The following RANBP2 variants were observed in gnomAD, a reference collection of about 807,000 sequenced individuals.
RANBP2 encodes the protein E3 SUMO-protein ligase RanBP2.
RANBP2 carries 57 observed loss-of-function variants against 303.6 expected under a neutral mutation model. That is an observed-to-expected ratio of 0.19 (90% CI 0.15 to 0.23). The LOEUF (loss-of-function observed/expected upper bound fraction) is 0.23. Among genes scored for constraint, RANBP2 ranks in the 10% least tolerant of loss-of-function variants. The pLI, the probability that RANBP2 is intolerant of heterozygous loss-of-function variation, is 1.00. For synonymous variants in RANBP2, 1,167 were observed against 1,301.5 expected (o/e 0.90, Z 2.23); for missense variants, 3,138 against 3,780.8 (o/e 0.83, Z 4.46).
At chr2:109,403,101 A>G in the RANBP2 span, among the ~76,000 whole-genome samples, 1 of 152,110 alleles carries the variant, frequency 6.6e-6, no homozygotes, top group African/African-American at 2.4e-5. Context: ...TTGTCTTAAA[A>G]TAGAAAGGAA....
the RANBP2 span, among the ~76,000 whole-genome samples, chr2:109,043,221 T>C: frequency 3.3e-5 from 5 of 152,232 alleles, no homozygotes; most frequent in African/African-American, 1.2e-4. Flanking sequence ...ACAACTTACC[T>C]TTAGTGCGTC....
At chr2:109,573,279 T>C in the RANBP2 span, among the ~76,000 whole-genome samples, 1 of 152,220 alleles carries the variant, frequency 6.6e-6, no homozygotes, top group African/African-American at 2.4e-5. Context: ...AGCCAATATT[T>C]AGAGCCGTCC....
chr2:109,013,087 C>T, the RANBP2 span, among the ~76,000 whole-genome samples: 4 of 152,174 alleles, frequency 2.6e-5, no homozygotes, highest in East Asian at 1.9e-4. Flanking sequence ...TGCAGAATTC[C>T]AGCCAAGGAG....
the RANBP2 span, among the ~76,000 whole-genome samples, chr2:109,294,238 G>T: frequency 6.6e-6 from 1 of 152,134 alleles, no homozygotes; most frequent in Non-Finnish European, 1.5e-5. Context: ...GACATGGGGA[G>T]CTGCTCTGAA....
At chr2:109,275,043 T>C in the RANBP2 span, among the ~76,000 whole-genome samples, 1 of 152,184 alleles carries the variant, frequency 6.6e-6, no homozygotes, top group Admixed American at 6.5e-5. Context: ...ATTACCATAA[T>C]GTAAAATTGT....
At chr2:109,526,485 T>C in the RANBP2 span, among the ~76,000 whole-genome samples, 1 of 152,276 alleles carries the variant, frequency 6.6e-6, no homozygotes, top group East Asian at 1.9e-4. Flanking sequence ...TTTATTTTTG[T>C]ATTTTTAGTA....
At chr2:108,965,168 T>A in the RANBP2 span, among the ~76,000 whole-genome samples, 2 of 152,116 alleles carry the variant, frequency 1.3e-5, no homozygotes, top group East Asian at 3.9e-4. Flanking sequence ...CAAAGTGTCA[T>A]GATTATATCT....
the RANBP2 span, among the ~76,000 whole-genome samples, chr2:109,065,646 C>G: frequency 1.3e-5 from 2 of 152,116 alleles, no homozygotes; most frequent in African/African-American, 4.8e-5. Flanking sequence ...GTTTAAAGAT[C>G]GTGATGCTCT....
the RANBP2 span, among the ~76,000 whole-genome samples, chr2:109,360,551 A>G: frequency 2.0e-5 from 3 of 152,382 alleles, 1 homozygote; most frequent in South Asian, 6.2e-4. Flanking sequence ...ATGTATATGC[A>G]AATATTCCAA....
At chr2:109,645,811 C>T in the RANBP2 span, among the ~76,000 whole-genome samples, 14 of 152,254 alleles carry the variant, frequency 9.2e-5, no homozygotes, top group Admixed American at 3.9e-4. Context: ...TGTCTATACC[C>T]GGTAAGTCCA....
chr2:109,347,537 T>G, the RANBP2 span: 1 of 1,185,378 alleles, frequency 8.4e-7, no homozygotes, highest in Non-Finnish European at 1.2e-6. Context: ...TTAAAATATT[T>G]TCCACTTGCG....
the RANBP2 span, among the ~76,000 whole-genome samples, chr2:109,510,753 T>G: frequency 1.2e-4 from 18 of 152,266 alleles, 1 homozygote; most frequent in South Asian, 3.5e-3. Flanking sequence ...GGAGCTGGCC[T>G]CCTCCAGCTA....
At chr2:108,868,055 C>CT in the RANBP2 span, among the ~76,000 whole-genome samples, 1 of 152,192 alleles carries the variant, frequency 6.6e-6, no homozygotes, top group African/African-American at 2.4e-5. Context: ...AGGCTGATGA[C>CT]TAACATGTGG....
At chr2:109,163,147 A>G in the RANBP2 span, among the ~76,000 whole-genome samples, 1 of 152,276 alleles carries the variant, frequency 6.6e-6, no homozygotes, top group African/African-American at 2.4e-5. Context: ...CAGCAAGGAG[A>G]TCCCACAGAG....
the RANBP2 span, among the ~76,000 whole-genome samples, chr2:109,718,503 C>T: frequency 3.3e-5 from 5 of 152,068 alleles, no homozygotes; most frequent in Non-Finnish European, 5.9e-5. Flanking sequence ...ATACAAAAGT[C>T]CAGAATAGGC....
chr2:109,180,287 G>A, the RANBP2 span, among the ~76,000 whole-genome samples: 21 of 152,118 alleles, frequency 1.4e-4, no homozygotes, highest in African/African-American at 3.6e-4. Context: ...CTCTGAGTCC[G>A]CTGCCTTTCC....
the RANBP2 span, among the ~76,000 whole-genome samples, chr2:109,029,929 C>A: frequency 6.6e-6 from 1 of 152,184 alleles, no homozygotes; most frequent in Non-Finnish European, 1.5e-5. Flanking sequence ...ATACTAATAA[C>A]CCTCTTGACT....
chr2:109,512,391 T>C, the RANBP2 span, among the ~76,000 whole-genome samples: 431 of 152,248 alleles, frequency 2.8e-3, no homozygotes, highest in African/African-American at 9.7e-3. Flanking sequence ...CACCTCTCAC[T>C]GTGGCCTCCG....
intron 7 of RANBP2, among the ~76,000 whole-genome samples, chr2:108,743,763 C>T (rs990584147): frequency 2.6e-5 from 4 of 152,162 alleles, no homozygotes; most frequent in Non-Finnish European, 4.4e-5. Context: ...GTGTGCTTTA[C>T]CTATTGCCAG....
Sources: gnomAD v4.1 joint callset for allele counts (sites outside exome capture counted in the v4.1 genomes callset) on GRCh38, gnomAD v4.1.1 for gene constraint, MANE v1.5 for transcripts, NCBI Gene and HGNC (gene_info 2026-07-23, HGNC 2026-07-21) for gene names.